The following TANGO6 variants were observed in gnomAD, a reference collection of about 807,000 sequenced individuals.
TANGO6 encodes the protein transport and golgi organization 6 homolog.
In TANGO6, 90 loss-of-function variants were observed where a neutral mutation model predicts 114.2. That is an observed-to-expected ratio of 0.79 (90% CI 0.66 to 0.94). The LOEUF (loss-of-function observed/expected upper bound fraction) is 0.94, where lower values mean the gene tolerates loss of function less well. TANGO6 is among the 40% of genes least tolerant of loss of function. TANGO6 has a pLI of 0.00. For synonymous variants in TANGO6, 477 were observed against 509.8 expected, an observed-to-expected ratio of 0.94 and a Z score of 0.87; for missense variants, 1,274 against 1,315.3, an observed-to-expected ratio of 0.97 and a Z score of 0.49.
intron 15 of TANGO6, 116 bp downstream of exon 15, chr16:68,974,284 C>A: frequency 1.7e-6 from 2 of 1,152,150 alleles, no homozygotes; most frequent in Non-Finnish European, 2.5e-6. Context: ...AGTTTGAGGG[C>A]TGGGATGTAC....
At chr16:68,953,098 G>A (rs922456884) in intron 14 of TANGO6, among the ~76,000 whole-genome samples, 3 of 103,012 alleles carry the variant, frequency 2.9e-5, no homozygotes, top group Admixed American at 9.7e-5. Flanking sequence ...TATTTTGTGT[G>A]TGTGAGACGG....
In TANGO6 at chr16:68,855,121, C is replaced by T. The variant is rs184995501; in HGVS notation, c.95-4763C>T. The stretch of plus-strand genomic sequence containing the variant: ...ACCTGGGAGGCTGAGGCAGGAGAAT[C>T]GCTTGAACCTGGGAAGTGGAGGTTG... On this transcript the variant is annotated intron_variant, in intron 1 of 17. Coordinates refer to ENST00000261778, the MANE Select transcript of TANGO6 (RefSeq NM_024562.2). Among the ~76,000 whole-genome samples, 145 of 150,084 alleles carry T rather than the reference C, an allele frequency of 9.7e-4. 1 individual carries two copies. The Middle Eastern group carries it at 0.014, about 14-fold the overall frequency.
At chr16:68,873,158 C>T (rs1567528810) in intron 4 of TANGO6, among the ~76,000 whole-genome samples, 1 of 151,960 alleles carries the variant, frequency 6.6e-6, no homozygotes, top group Non-Finnish European at 1.5e-5. Flanking sequence ...GCAATCACCA[C>T]TCCTCATTCT....
chr16:68,914,781 G>T (rs1034591133), intron 11 of TANGO6, among the ~76,000 whole-genome samples: 7 of 152,058 alleles, frequency 4.6e-5, no homozygotes, highest in African/African-American at 1.4e-4. Context: ...AAATGGGTAG[G>T]GGGTTTTGGG....
intron 17 of TANGO6, among the ~76,000 whole-genome samples, chr16:69,064,231 AGCCTCTGATGT>A (rs1304273222): frequency 6.6e-6 from 1 of 152,126 alleles, no homozygotes; most frequent in East Asian, 1.9e-4. Context: ...CCCTTACCAG[AGCCTCTGATGT>A]GTCAGGGACT....
chr16:68,867,000 T>A (rs890897312), intron 3 of TANGO6, 79 bp from the exon 4 acceptor site: 6 of 481,230 alleles, frequency 1.2e-5, no homozygotes, highest in East Asian at 8.9e-5. Flanking sequence ...TTTTTTTTTT[T>A]ACAGGCATGA....
intron 16 of TANGO6, among the ~76,000 whole-genome samples, chr16:69,037,832 C>G (rs114184694): frequency 0.014 from 2,102 of 152,316 alleles, 53 homozygotes; most frequent in South Asian, 0.093. Flanking sequence ...TGATTAAATG[C>G]CAGCGCATCA....
At position 69,018,139 on chromosome 16, in the gene TANGO6, C is replaced by CTTTTTTTTTTT. The variant is rs34796579; in HGVS notation, c.2843-4677_2843-4667dup. ...CACCATGCCCAGCCGTTGGAAATCT[C>CTTTTTTTTTTT]TTTTTTTTTTTTTTTTTTTTTTGAG... On this transcript the variant is annotated intron_variant, in intron 15 of 17. Transcript: ENST00000261778. Among the ~76,000 whole-genome samples, 360 of 77,072 alleles carry CTTTTTTTTTTT rather than the reference C, an allele frequency of 4.7e-3. 24 individuals carry two copies. The highest frequency in any genetic ancestry group is 7.2e-3 in the Non-Finnish European group (292 of 40,294). The allele number at this position is 77,072 out of a possible 152,430, so 50.6% of individuals were successfully genotyped here. A position where few individuals can be genotyped will look rare whatever the true frequency, so the allele number is the denominator to read the frequency against.
rs773939850 is a variant in TANGO6, at chr16:69,072,068, TAGAGAGAGGGAGACC to T, written c.3109-11416_3109-11402del. ...GTGTGTGTGTGTGTGTGTGTGTGTG[TAGAGAGAGGGAGACC>T]GTGTGTGTGTGTGTGTATGTGTGAA... On this transcript the variant is annotated intron_variant, in intron 17 of 17. Coordinates refer to ENST00000261778, the MANE Select transcript of TANGO6 (RefSeq NM_024562.2). 2.7e-3 allele frequency among the ~76,000 whole-genome samples: 272 copies of T among 100,212 alleles called. 4 individuals are homozygous for T. The highest frequency in any genetic ancestry group is 5.1e-3 in the African/African-American group (120 of 23,376). 65.7% of individuals were successfully genotyped at this position (100,212 alleles called of 152,430 possible).
intron 11 of TANGO6, among the ~76,000 whole-genome samples, chr16:68,918,871 C>T (rs1245413237): frequency 6.6e-6 from 1 of 152,116 alleles, no homozygotes; most frequent in African/African-American, 2.4e-5. Flanking sequence ...GTCTGTTCAT[C>T]TGTGTCCTTT....
intron 16 of TANGO6, among the ~76,000 whole-genome samples, chr16:69,030,887 T>TA (rs138651362): frequency 0.088 from 12,736 of 145,032 alleles, 698 homozygotes; most frequent in Non-Finnish European, 0.13. Context: ...CCGTCTCTAC[T>TA]AAAAAAAAAA....
At position 69,083,669 on chromosome 16, in the gene TANGO6, T is replaced by A. The variant is rs764317857; in HGVS notation, c.*8T>A. 1 of 1,553,136 alleles carries A rather than the reference T, an allele frequency of 6.4e-7. No individual in the cohort carries two copies. Reference sequence around the variant, plus strand: ...ATCATGGTCCTGCCGTAGACCTGGCTCCAAGGACGTGGAGGAGGCAGGCAG... The same window carrying A: ...ATCATGGTCCTGCCGTAGACCTGGCACCAAGGACGTGGAGGAGGCAGGCAG... On this transcript the variant is annotated 3_prime_UTR_variant, in exon 18 of 18. Coordinates refer to ENST00000261778, the MANE Select transcript of TANGO6 (RefSeq NM_024562.2).
chr16:68,970,877 G>C (rs1963696968), intron 14 of TANGO6, among the ~76,000 whole-genome samples: 1 of 152,050 alleles, frequency 6.6e-6, no homozygotes, highest in Admixed American at 6.6e-5. Flanking sequence ...GTAGCTATGG[G>C]CCGGGCGCAG....
At chr16:68,936,548 T>G (rs1963300816) in intron 14 of TANGO6, among the ~76,000 whole-genome samples, 2 of 152,114 alleles carry the variant, frequency 1.3e-5, no homozygotes, top group Admixed American at 1.3e-4. Context: ...TTGGCCAGGT[T>G]GGTCTCAAAC....
At chr16:68,943,621 T>C (rs948335463) in intron 14 of TANGO6, among the ~76,000 whole-genome samples, 3 of 152,068 alleles carry the variant, frequency 2.0e-5, no homozygotes, top group African/African-American at 7.2e-5. Context: ...CTCCTTGGCC[T>C]CCCAAAGTGC....
chr16:68,961,962 T>G (rs914264789), intron 14 of TANGO6, among the ~76,000 whole-genome samples: 11 of 152,198 alleles, frequency 7.2e-5, no homozygotes, highest in Non-Finnish European at 1.6e-4. Context: ...TCTAACCCTG[T>G]TTTTTCCTCA....
chr16:69,072,067 G>A (rs868761430), intron 17 of TANGO6, among the ~76,000 whole-genome samples: 7 of 135,010 alleles, frequency 5.2e-5, no homozygotes, highest in Non-Finnish European at 9.5e-5. Context: ...GTGTGTGTGT[G>A]TAGAGAGAGG....
At position 69,083,513 on chromosome 16, in the gene TANGO6, A is replaced by G. The variant is rs1276494884; in HGVS notation, c.3137A>G (p.Tyr1046Cys). Residue 1046 changes from tyrosine (Y) to cysteine (C), a missense_variant, in exon 18 of 18, where the codon TAC becomes TGC. Tyr to Cys is a radical substitution (Grantham distance 194, BLOSUM62 -2). Coordinates refer to ENST00000261778, the MANE Select transcript of TANGO6 (RefSeq NM_024562.2). ...EVLSAVLKDL[Y>C]HLLKHVVCLE... ...CTGAGCGCCGTCCTCAAGGATCTCT[A>G]CCACCTGCTGAAGCACGTAGTGTGT... The G allele has an allele frequency of 5.0e-6, 8 of 1,612,314 alleles. No homozygotes were observed. Among genetic ancestry groups the G allele is most frequent in the African/African-American group, 1.3e-5 (1 of 74,920 alleles).
chr16:68,900,390 C>T (rs1962765801), intron 7 of TANGO6, 44 bp from the exon 8 acceptor site: 3 of 1,545,128 alleles, frequency 1.9e-6, no homozygotes, highest in Admixed American at 3.4e-5. Context: ...GTTGCTCTGG[C>T]CAGGCAGTCA....
Sources: allele counts gnomAD v4.1 joint callset (sites outside exome capture counted in the v4.1 genomes callset), GRCh38; gene constraint gnomAD v4.1.1; transcripts MANE v1.5; gene names NCBI Gene and HGNC (gene_info 2026-07-23, HGNC 2026-07-21).